CMSS1: variants seen among roughly 807,000 people sequenced by gnomAD.
CMSS1 encodes protein CMSS1.
In CMSS1, 33 loss-of-function variants were observed where a neutral mutation model predicts 43.5. The ratio of observed to expected loss-of-function variants is 0.76; its 90% CI spans 0.57 to 1.01. The LOEUF (loss-of-function observed/expected upper bound fraction) is 1.01. CMSS1 is among the 50% of genes least tolerant of loss of function. CMSS1 has a pLI of 0.00. For synonymous variants in CMSS1, 115 were observed against 117.2 expected, an observed-to-expected ratio of 0.98 and a Z score of 0.12; for missense variants, 313 against 326.4, an observed-to-expected ratio of 0.96 and a Z score of 0.32.
In CMSS1 at chr3:99,958,203, C is replaced by CATTATT. The variant is rs71688408; in HGVS notation, c.64+140203_64+140208dup. Among the ~76,000 whole-genome samples, 728 of 132,696 alleles carry CATTATT rather than the reference C, an allele frequency of 5.5e-3. 5 individuals carry two copies. Among genetic ancestry groups the CATTATT allele is most frequent in the East Asian group, 0.012 (56 of 4,530 alleles). 87.1% of individuals were successfully genotyped at this position (132,696 alleles called of 152,430 possible). ...TCACCTAGGTATTAAGCCCTGCATG[C>CATTATT]ATTATTATTATTATTATTATTATTA... On this transcript the variant is annotated intron_variant, in intron 1 of 9. Coordinates refer to ENST00000421999, the MANE Select transcript of CMSS1 (RefSeq NM_032359.4).
chr3:99,847,019 C>T (rs1943395206), intron 1 of CMSS1, among the ~76,000 whole-genome samples: 1 of 152,156 alleles, frequency 6.6e-6, no homozygotes, highest in Admixed American at 6.5e-5. Context: ...TCCCATGAGG[C>T]AGATATCAGA....
chr3:100,025,243 T>C (rs2064897282), intron 1 of CMSS1, among the ~76,000 whole-genome samples: 2 of 152,188 alleles, frequency 1.3e-5, no homozygotes, highest in Admixed American at 1.3e-4. Flanking sequence ...CCATACTGTT[T>C]GTGGCTATTT....
At chr3:100,165,349 G>A (rs1407414644) in intron 4 of CMSS1, among the ~76,000 whole-genome samples, 1 of 151,818 alleles carries the variant, frequency 6.6e-6, no homozygotes, top group Admixed American at 6.6e-5. Context: ...TTATTGTATT[G>A]TTATGTTGTG....
chr3:99,985,855 C>T (rs554972635), intron 1 of CMSS1, among the ~76,000 whole-genome samples: 1 of 152,228 alleles, frequency 6.6e-6, no homozygotes, highest in African/African-American at 2.4e-5. Flanking sequence ...TCCCAAAGTA[C>T]TGGGATTACA....
intron 1 of CMSS1, among the ~76,000 whole-genome samples, chr3:100,041,822 TTA>T (rs2065209646): frequency 6.6e-6 from 1 of 152,224 alleles, no homozygotes; most frequent in African/African-American, 2.4e-5. Context: ...GTGCCTTGAT[TTA>T]TCTCACCTTT....
At chr3:100,117,386 C>T (rs79957396) in intron 1 of CMSS1, among the ~76,000 whole-genome samples, 1,876 of 151,932 alleles carry the variant, frequency 0.012, 25 homozygotes, top group African/African-American at 0.028. Context: ...AGTAAGAGAC[C>T]GGGATCTGCA....
At chr3:100,126,292 A>G (rs142559887) in intron 1 of CMSS1, among the ~76,000 whole-genome samples, 87 of 152,338 alleles carry the variant, frequency 5.7e-4, no homozygotes, top group African/African-American at 1.9e-3. Flanking sequence ...GAAAACCAAA[A>G]TCATCTTTGA....
intron 1 of CMSS1, among the ~76,000 whole-genome samples, chr3:99,826,749 A>G (rs902885723): frequency 1.3e-5 from 2 of 152,236 alleles, no homozygotes; most frequent in Non-Finnish European, 2.9e-5. Flanking sequence ...ATCTGTTAAA[A>G]TCAGATATTT....
At chr3:99,956,703 AC>A (rs1476589653) in intron 1 of CMSS1, among the ~76,000 whole-genome samples, 2 of 151,478 alleles carry the variant, frequency 1.3e-5, no homozygotes, top group Non-Finnish European at 2.9e-5. Context: ...CCCATCAAAT[AC>A]CCCCTTCCCT....
chr3:99,926,178 G>A (rs1160037588), intron 1 of CMSS1, among the ~76,000 whole-genome samples: 1 of 152,100 alleles, frequency 6.6e-6, no homozygotes, highest in Non-Finnish European at 1.5e-5. Context: ...TAGAAATCTG[G>A]GCACAAAATG....
At chr3:99,865,524 C>T (rs1197186286) in intron 1 of CMSS1, among the ~76,000 whole-genome samples, 1 of 152,110 alleles carries the variant, frequency 6.6e-6, no homozygotes, top group Non-Finnish European at 1.5e-5. Flanking sequence ...CAAATATTCT[C>T]TTAGTCATTA....
rs545501813 is a variant in CMSS1, at chr3:99,818,026, G to A, written c.47G>A (p.Gly16Glu). Residue 16 changes from glycine to glutamate, a missense_variant, in exon 1 of 10, where the codon GGA becomes GAA. By Grantham distance (98) the Gly-to-Glu change is moderately conservative (BLOSUM62 -2). Coordinates refer to ENST00000421999, the MANE Select transcript of CMSS1 (RefSeq NM_032359.4). Reference protein sequence around the residue: ...GDEWWENQPTGAGSSPEASDG... With the variant: ...GDEWWENQPTEAGSSPEASDG... ...GAGTGGTGGGAGAACCAGCCGACTGGAGCAGGCAGCAGCCCAGGTACCCAC... is the reference window on the plus strand; with the variant it reads ...GAGTGGTGGGAGAACCAGCCGACTGAAGCAGGCAGCAGCCCAGGTACCCAC... 103 of 1,613,876 alleles carry A rather than the reference G, an allele frequency of 6.4e-5. No individual in the cohort carries two copies. In the South Asian group the frequency reaches 1.0e-3, roughly 16 times the overall value.
intron 9 of CMSS1, among the ~76,000 whole-genome samples, chr3:100,177,074 A>G (rs952242650): frequency 3.3e-5 from 5 of 152,066 alleles, no homozygotes; most frequent in African/African-American, 7.2e-5. Flanking sequence ...AGCTGTTAGG[A>G]AAAAAAATGA....
At chr3:99,841,717 C>T (rs1157419021) in intron 1 of CMSS1, among the ~76,000 whole-genome samples, 1 of 152,088 alleles carries the variant, frequency 6.6e-6, no homozygotes, top group Non-Finnish European at 1.5e-5. Context: ...AAATGGCAAA[C>T]ACACATATAA....
At chr3:100,114,813 T>C in intron 1 of CMSS1, 2 of 591,676 alleles carry the variant, frequency 3.4e-6, no homozygotes, top group Non-Finnish European at 5.9e-6. Context: ...AAGCCTTGTT[T>C]GTGATTTAAG....
In CMSS1 at chr3:100,181,361, C is replaced by T. The variant is rs1192406100; in HGVS notation, c.*2973C>T. 6.6e-6 allele frequency: 1 copy of T among 152,156 alleles called. No individual in the cohort carries two copies. The highest frequency in any genetic ancestry group is 1.9e-4 in the East Asian group (1 of 5,208). The allele number at this position is 152,156 out of a possible 1,614,324, so 9.4% of individuals were successfully genotyped here. ...AAAAGTTTAAAAAATAGAGAATTCC[C>T]ATATCCCCTTCCCTGAGCTTTCCCT... On this transcript the variant is annotated 3_prime_UTR_variant, in exon 10 of 10. Coordinates refer to ENST00000421999, the MANE Select transcript of CMSS1 (RefSeq NM_032359.4).
Position 100,178,312 on chromosome 3 carries a change from A to G in CMSS1, c.764A>G (p.Lys255Arg). The G allele has an allele frequency of 6.2e-7, 1 of 1,607,892 alleles. No homozygotes were observed. The highest frequency in any genetic ancestry group is 8.5e-7 in the Non-Finnish European group (1 of 1,174,604). ...RRMMDIPEIR[K>R]EVFELLEMGV... ...CCCTTTTCTCTCATTTAGATAAGAA[A>G]GGAGGTATTCGAACTTCTGGAAATG... Residue 255 changes from lysine to arginine, a missense_variant, in exon 10 of 10, where the codon AAG (lysine) becomes AGG (arginine). Coordinates refer to ENST00000421999, the MANE Select transcript of CMSS1 (RefSeq NM_032359.4).
At chr3:99,948,687 G>C (rs1482224267) in intron 1 of CMSS1, among the ~76,000 whole-genome samples, 1 of 149,584 alleles carries the variant, frequency 6.7e-6, no homozygotes. Flanking sequence ...AGAAGAAGAG[G>C]AGAAAGGAGA....
chr3:100,127,577 C>G (rs1374293272), intron 1 of CMSS1, among the ~76,000 whole-genome samples: 1 of 152,176 alleles, frequency 6.6e-6, no homozygotes, highest in Non-Finnish European at 1.5e-5. Flanking sequence ...ACAAAATTCC[C>G]CAGTCAGGGA....
Sources: allele counts gnomAD v4.1 joint callset (sites outside exome capture counted in the v4.1 genomes callset), GRCh38; gene constraint gnomAD v4.1.1; transcripts MANE v1.5; gene names NCBI Gene and HGNC (gene_info 2026-07-23, HGNC 2026-07-21).